The following SPMIP8 variants were observed in gnomAD, a reference collection of about 807,000 sequenced individuals.
SPMIP8 encodes the protein sperm microtubule inner protein 8.
the SPMIP8 span, chr16:57,985,161 T>TGG: frequency 2.4e-5 from 35 of 1,435,906 alleles, no homozygotes; most frequent in East Asian, 9.1e-4. Flanking sequence ...GGGCTTGTCC[T>TGG]GGGGGGGGGC....
the SPMIP8 span, chr16:57,984,606 G>C: frequency 2.5e-5 from 38 of 1,523,984 alleles, no homozygotes; most frequent in Non-Finnish European, 3.3e-5. Context: ...GGCTACGGCC[G>C]CGCGGGCCTG....
the SPMIP8 span, chr16:57,978,178 C>G: frequency 9.0e-6 from 8 of 889,748 alleles, no homozygotes; most frequent in Non-Finnish European, 1.2e-5. Flanking sequence ...GTCTGAGCCT[C>G]TGTTTACTGC....
At chr16:57,985,317 T>C in the SPMIP8 span, 2 of 1,510,650 alleles carry the variant, frequency 1.3e-6, no homozygotes, top group South Asian at 1.2e-5. Context: ...GCGGGGGTCC[T>C]GGTGGGGAGC....
the SPMIP8 span, chr16:57,985,050 C>G: frequency 2.7e-6 from 3 of 1,106,066 alleles, no homozygotes; most frequent in East Asian, 5.5e-5. Flanking sequence ...GGGCTTTGCC[C>G]TGGTGGGGCA....
chr16:57,984,334 T>C, the SPMIP8 span: 1 of 1,614,250 alleles, frequency 6.2e-7, no homozygotes, highest in East Asian at 2.2e-5. Flanking sequence ...TTACACTCCT[T>C]GGGGTCCCCA....
chr16:57,987,779 C>T, the SPMIP8 span: 9 of 279,714 alleles, frequency 3.2e-5, no homozygotes, highest in East Asian at 4.5e-4. Flanking sequence ...AGATGTGCTC[C>T]AGCCCCTTGC....
the SPMIP8 span, chr16:57,985,543 C>T: frequency 3.8e-6 from 6 of 1,597,570 alleles, no homozygotes; most frequent in Non-Finnish European, 5.1e-6. Flanking sequence ...CCTTTCGACT[C>T]CCTGTAAGTG....
the SPMIP8 span, chr16:57,984,207 A>G: frequency 4.5e-6 from 6 of 1,333,344 alleles, no homozygotes; most frequent in Non-Finnish European, 6.5e-6. Flanking sequence ...CCCGGCCTCA[A>G]AAAATTTTTA....
the SPMIP8 span, chr16:57,984,679 A>G: frequency 6.3e-7 from 1 of 1,595,890 alleles, no homozygotes; most frequent in Non-Finnish European, 8.5e-7. Flanking sequence ...AGGTACCACG[A>G]GGGAAAGCTG....
At chr16:57,985,451 A>T in the SPMIP8 span, 2 of 1,613,508 alleles carry the variant, frequency 1.2e-6, no homozygotes, top group African/African-American at 2.7e-5. Context: ...CCCCCGACTC[A>T]CCGCGCCCCT....
the SPMIP8 span, among the ~76,000 whole-genome samples, chr16:57,979,660 C>A: frequency 6.6e-6 from 1 of 151,654 alleles, no homozygotes; most frequent in Non-Finnish European, 1.5e-5. Context: ...CAGGTAACCA[C>A]CCCCCCACCA....
chr16:57,987,555 G>C, the SPMIP8 span: 3 of 1,065,634 alleles, frequency 2.8e-6, no homozygotes, highest in Non-Finnish European at 3.8e-6. Context: ...TAAACCTAAT[G>C]CTCCCTTAGA....
the SPMIP8 span, chr16:57,986,159 T>C: frequency 4.2e-6 from 2 of 481,560 alleles, no homozygotes; most frequent in South Asian, 8.2e-5. Flanking sequence ...CGGGAGGGGG[T>C]CCACATCCCA....
At chr16:57,984,574 G>C in the SPMIP8 span, 1 of 1,501,558 alleles carries the variant, frequency 6.7e-7, no homozygotes, top group East Asian at 2.4e-5. Context: ...GATGGACTGG[G>C]ATGGCTTCCC....
the SPMIP8 span, among the ~76,000 whole-genome samples, chr16:57,980,645 C>G: frequency 6.6e-6 from 1 of 152,184 alleles, no homozygotes; most frequent in East Asian, 1.9e-4. Context: ...AGAAAAACCT[C>G]ATGGCAATTA....
At chr16:57,985,867 G>T in the SPMIP8 span, 1 of 1,588,692 alleles carries the variant, frequency 6.3e-7, no homozygotes, top group Non-Finnish European at 8.6e-7. Context: ...AGAGAGGGTC[G>T]CCCCTTCCCA....
At chr16:57,984,515 C>A in the SPMIP8 span, 151 of 1,501,700 alleles carry the variant, frequency 1.0e-4, 1 homozygote, top group Non-Finnish European at 1.2e-4. Context: ...CGACTTCGGG[C>A]GCCCCCTCGG....
At chr16:57,977,345 G>A in the SPMIP8 span, among the ~76,000 whole-genome samples, 1 of 148,554 alleles carries the variant, frequency 6.7e-6, no homozygotes, top group Non-Finnish European at 1.5e-5. Flanking sequence ...AGGAGACAGA[G>A]GTTGCATTGA....
At chr16:57,986,803 A>C in the SPMIP8 span, 1 of 152,202 alleles carries the variant, frequency 6.6e-6, no homozygotes, top group African/African-American at 2.4e-5. Flanking sequence ...CATGATGGTC[A>C]GGCTGGTCTC....
Sources: gnomAD v4.1 joint callset for allele counts (sites outside exome capture counted in the v4.1 genomes callset) on GRCh38, gnomAD v4.1.1 for gene constraint, MANE v1.5 for transcripts, NCBI Gene and HGNC (gene_info 2026-07-23, HGNC 2026-07-21) for gene names.